The following MRPL23 variants were observed in gnomAD, a reference collection of about 807,000 sequenced individuals.
MRPL23 encodes the protein mitochondrial ribosomal protein L23, also known as large ribosomal subunit protein uL23m.
For synonymous variants in MRPL23, 12 were observed against 34.8 expected (o/e 0.35, Z 2.30); for missense variants, 25 against 81.3 (o/e 0.31, Z 2.66).
At position 1,962,260 on chromosome 11, in the gene MRPL23, CCT is replaced by C. The variant is rs1395951557; in HGVS notation, c.324_325del (p.Cys109SerfsTer81). On this transcript the variant is annotated frameshift_variant, in exon 5 of 5. Transcript: ENST00000381514. LOFTEE classifies it low-confidence loss of function (END_TRUNC). Reference sequence around the variant, plus strand: ...CCAGGTGCCGCACCCTCGGTCCCTGCCTCTCTGTCTCCAGCACCGCTCACAGC... The same window carrying C: ...CCAGGTGCCGCACCCTCGGTCCCTGCCTCTGTCTCCAGCACCGCTCACAGC... 1.2e-5 allele frequency: 6 copies of C among 486,624 alleles called. 1 individual carries two copies. The highest frequency in any genetic ancestry group is 4.1e-5 in the Admixed American group (1 of 24,636). The allele number at this position is 486,624 out of a possible 1,614,324, so 30.1% of individuals were successfully genotyped here.
At chr11:1,993,538 CCCTGGGCACCCCTGGGGCTG>C in the MRPL23 span, 1 of 87,004 alleles carries the variant, frequency 1.1e-5, no homozygotes, top group South Asian at 5.2e-4. Context: ...TGCCCCGCCA[CCCTGGGCACCCCTGGGGCTG>C]CCTGCCGCAC....
At chr11:1,971,104 G>C (rs1450556001) in intron 4 of MRPL23, among the ~76,000 whole-genome samples, 3 of 145,736 alleles carry the variant, frequency 2.1e-5, no homozygotes, top group African/African-American at 7.4e-5. Flanking sequence ...CCCCGGCCTG[G>C]CCACAGCCCT....
chr11:1,991,550 TCACACACACACACACACACA>T, the MRPL23 span, among the ~76,000 whole-genome samples: 5 of 67,740 alleles, frequency 7.4e-5, no homozygotes, highest in Non-Finnish European at 2.1e-4. Context: ...TTGTCAGGCA[TCACACACACACACACACACA>T]CACACACACA....
At chr11:1,991,729 C>T in the MRPL23 span, among the ~76,000 whole-genome samples, 4 of 124,720 alleles carry the variant, frequency 3.2e-5, no homozygotes, top group South Asian at 1.5e-3. Flanking sequence ...CCGCCCGGAC[C>T]CACTGCGCCC....
downstream of MRPL23, among the ~76,000 whole-genome samples, chr11:1,988,835 G>A (rs1431274213): frequency 6.9e-6 from 1 of 145,612 alleles, no homozygotes; most frequent in Non-Finnish European, 1.5e-5. Flanking sequence ...GGGTGACAGA[G>A]GTTGACAGGC....
chr11:1,988,777 C>G (rs539874105), downstream of MRPL23, among the ~76,000 whole-genome samples: 5 of 140,992 alleles, frequency 3.5e-5, no homozygotes, highest in Non-Finnish European at 6.3e-5. Context: ...TCTCTCACCC[C>G]GCTCAAACAT....
At position 1,951,603 on chromosome 11, in the gene MRPL23, T is replaced by G. The variant is rs145800900; in HGVS notation, c.141-524T>G. ...AGGGGCCCAGAAGCTGAGTTGACAG[T>G]GACCGTGAGGTTCTGCAGTAGAGGG... is the stretch of plus-strand genomic sequence containing the variant. On this transcript the variant is annotated intron_variant, in intron 2 of 4. Coordinates refer to ENST00000397298, the MANE Select transcript of MRPL23 (RefSeq NM_021134.4). Among the ~76,000 whole-genome samples the G allele has an allele frequency of 1.1e-3, 62 of 57,356 alleles. 4 individuals are homozygous for G. The highest frequency in any genetic ancestry group is 4.1e-3 in the African/African-American group (57 of 13,760). 37.6% of individuals were successfully genotyped at this position (57,356 alleles called of 152,430 possible). A position where few individuals can be genotyped will look rare whatever the true frequency, so the allele number is the denominator to read the frequency against.
At chr11:1,983,607 G>T (rs1385293904) in intron 5 of MRPL23, 1 of 131,810 alleles carries the variant, frequency 7.6e-6, no homozygotes, top group African/African-American at 2.7e-5. Flanking sequence ...GTGGTGAGGG[G>T]GTGTCCCAGC....
chr11:1,954,160 TCTCC>T (rs1856366098), intron 4 of MRPL23, among the ~76,000 whole-genome samples: 1 of 133,986 alleles, frequency 7.5e-6, no homozygotes. Context: ...CGCGTGTTGT[TCTCC>T]CTCTGTGAAG....
the MRPL23 span, among the ~76,000 whole-genome samples, chr11:1,993,947 C>G: frequency 1.2e-5 from 1 of 83,932 alleles, no homozygotes; most frequent in African/African-American, 3.0e-5. Context: ...CCCTCGGTCT[C>G]TGACAGTCCC....
the MRPL23 span, chr11:1,992,153 G>A: frequency 1.3e-4 from 10 of 76,846 alleles, no homozygotes; most frequent in African/African-American, 3.1e-4. Context: ...TCTCCGGGCC[G>A]GACAGGACCC....
At chr11:1,994,025 T>TG in the MRPL23 span, among the ~76,000 whole-genome samples, 1 of 96,244 alleles carries the variant, frequency 1.0e-5, no homozygotes, top group African/African-American at 2.7e-5. Flanking sequence ...CCAAGGGACG[T>TG]GGGGAACCAC....
intron 2 of MRPL23, among the ~76,000 whole-genome samples, chr11:1,951,705 C>T (rs1042125187): frequency 3.1e-5 from 3 of 95,374 alleles, no homozygotes; most frequent in Admixed American, 2.8e-4. Flanking sequence ...GTCCCATCAG[C>T]CGCAGAGCAG....
chr11:1,971,239 C>T (rs1410858688), intron 4 of MRPL23, among the ~76,000 whole-genome samples: 1 of 109,556 alleles, frequency 9.1e-6, no homozygotes, highest in Non-Finnish European at 2.3e-5. Context: ...GCCGCCAGCC[C>T]GAAGCCAGCC....
At chr11:1,951,635 C>A (rs559114267) in intron 2 of MRPL23, among the ~76,000 whole-genome samples, 2 of 81,850 alleles carry the variant, frequency 2.4e-5, no homozygotes, top group Non-Finnish European at 4.6e-5. Context: ...AGGGAACTTG[C>A]AGTTAACGCA....
chr11:1,984,162 G>C (rs185685025), intron 5 of MRPL23: 1 of 42,310 alleles, frequency 2.4e-5, no homozygotes, highest in Non-Finnish European at 6.0e-5. Context: ...CGCCACAGTG[G>C]TCCCAGGCGG....
chr11:1,994,257 C>T, the MRPL23 span, among the ~76,000 whole-genome samples: 2 of 97,404 alleles, frequency 2.1e-5, 1 homozygote, highest in Admixed American at 2.0e-4. Flanking sequence ...GTGTTCCCAG[C>T]GCCTGCACAG....
chr11:1,984,069 C>T (rs1485157473), intron 5 of MRPL23: 3 of 71,096 alleles, frequency 4.2e-5, no homozygotes, highest in Non-Finnish European at 9.7e-5. Flanking sequence ...GCAGCGGTGT[C>T]TAGACCCTGG....
the MRPL23 span, among the ~76,000 whole-genome samples, chr11:1,991,589 C>CACA: frequency 1.6e-5 from 2 of 127,930 alleles, no homozygotes; most frequent in African/African-American, 5.2e-5. Flanking sequence ...CACACACACA[C>CACA]CCGTGCACAC....
Sources: allele counts gnomAD v4.1 joint callset (sites outside exome capture counted in the v4.1 genomes callset), GRCh38; gene constraint gnomAD v4.1.1; transcripts MANE v1.5; gene names NCBI Gene and HGNC (gene_info 2026-07-23, HGNC 2026-07-21).